The following CAMKMT variants were observed in gnomAD, a reference collection of about 807,000 sequenced individuals.
CAMKMT encodes CaM KMT.
CAMKMT carries 53 observed loss-of-function variants against 48.0 expected under a neutral mutation model. The ratio of observed to expected loss-of-function variants is 1.10; its 90% CI spans 0.89 to 1.39. CAMKMT has a LOEUF of 1.39. Ranked by LOEUF, CAMKMT falls within the 40% of genes most tolerant of loss-of-function variation. The pLI is 0.00. For synonymous variants in CAMKMT, 165 were observed against 152.3 expected (o/e 1.08, Z -0.61); for missense variants, 428 against 402.7 (o/e 1.06, Z -0.54).
At chr2:44,372,247 G>C (rs1282159381) in intron 1 of CAMKMT, among the ~76,000 whole-genome samples, 1 of 152,116 alleles carries the variant, frequency 6.6e-6, no homozygotes, top group Non-Finnish European at 1.5e-5. Context: ...CACTTTGGGA[G>C]GCCAGGGTTG....
intron 3 of CAMKMT, among the ~76,000 whole-genome samples, chr2:44,597,542 G>A (rs992134506): frequency 6.6e-6 from 1 of 152,084 alleles, no homozygotes; most frequent in Non-Finnish European, 1.5e-5. Context: ...TAGCTCAGAG[G>A]TTCTTAACCC....
At chr2:44,406,949 T>A (rs1311391847) in intron 3 of CAMKMT, among the ~76,000 whole-genome samples, 1 of 152,220 alleles carries the variant, frequency 6.6e-6, no homozygotes, top group African/African-American at 2.4e-5. Flanking sequence ...ATAATTTCTG[T>A]CTACTTAACT....
At chr2:44,677,745 G>A (rs752842474) in intron 3 of CAMKMT, among the ~76,000 whole-genome samples, 2 of 151,920 alleles carry the variant, frequency 1.3e-5, no homozygotes, top group Non-Finnish European at 2.9e-5. Flanking sequence ...AGAAGGTTGT[G>A]TTATTTTTTA....
At chr2:44,541,857 C>T (rs183310516) in intron 3 of CAMKMT, among the ~76,000 whole-genome samples, 9 of 152,014 alleles carry the variant, frequency 5.9e-5, no homozygotes, top group Middle Eastern at 3.4e-3. Context: ...CGGCCGGGCA[C>T]GATGGCTCAC....
chr2:44,476,679 A>G (rs1294866376), intron 3 of CAMKMT, among the ~76,000 whole-genome samples: 1 of 152,050 alleles, frequency 6.6e-6, no homozygotes, highest in Non-Finnish European at 1.5e-5. Context: ...TTAGAATCAT[A>G]TGTTCCATGT....
At chr2:44,765,401 G>C (rs977818009) in intron 9 of CAMKMT, among the ~76,000 whole-genome samples, 1 of 152,058 alleles carries the variant, frequency 6.6e-6, no homozygotes, top group Non-Finnish European at 1.5e-5. Context: ...TGGTGTGAAT[G>C]ATAAACCACT....
chr2:44,536,398 C>T (rs897720779), intron 3 of CAMKMT, among the ~76,000 whole-genome samples: 1 of 151,460 alleles, frequency 6.6e-6, no homozygotes, highest in South Asian at 2.1e-4. Flanking sequence ...GATCTTGGCT[C>T]ATTGCAACTT....
At chr2:44,630,714 T>A (rs1323619084) in intron 3 of CAMKMT, among the ~76,000 whole-genome samples, 1 of 150,568 alleles carries the variant, frequency 6.6e-6, no homozygotes, top group Non-Finnish European at 1.5e-5. Flanking sequence ...CTCACACCAG[T>A]TAGAATGGCA....
At chr2:44,532,075 G>A (rs1044273219) in intron 3 of CAMKMT, among the ~76,000 whole-genome samples, 1 of 152,132 alleles carries the variant, frequency 6.6e-6, no homozygotes, top group Non-Finnish European at 1.5e-5. Context: ...GTATATGTAG[G>A]TATGTACATG....
At chr2:44,530,865 CATA>C (rs999629525) in intron 3 of CAMKMT, among the ~76,000 whole-genome samples, 10 of 151,912 alleles carry the variant, frequency 6.6e-5, no homozygotes, top group African/African-American at 2.4e-4. Flanking sequence ...GTGAAAATTT[CATA>C]ATATTTTTAA....
chr2:44,717,445 T>A (rs1678231992), intron 7 of CAMKMT, among the ~76,000 whole-genome samples: 1 of 152,198 alleles, frequency 6.6e-6, no homozygotes, highest in Non-Finnish European at 1.5e-5. Flanking sequence ...GCCACTGATG[T>A]AATAATCAGT....
chr2:44,647,204 A>G (rs1410072314), intron 3 of CAMKMT, among the ~76,000 whole-genome samples: 1 of 152,184 alleles, frequency 6.6e-6, no homozygotes, highest in Non-Finnish European at 1.5e-5. Flanking sequence ...GTGGTCAACT[A>G]CAATAACTCC....
At chr2:44,723,150 C>T (rs1305646538) in intron 7 of CAMKMT, among the ~76,000 whole-genome samples, 5 of 152,294 alleles carry the variant, frequency 3.3e-5, no homozygotes, top group Non-Finnish European at 7.3e-5. Flanking sequence ...GATCCCCACA[C>T]CCTGAGAGAC....
At chr2:44,419,645 T>A (rs975693460) in intron 3 of CAMKMT, among the ~76,000 whole-genome samples, 15 of 152,210 alleles carry the variant, frequency 9.9e-5, no homozygotes, top group African/African-American at 3.6e-4. Flanking sequence ...AGTGGCACAG[T>A]CATCACCGTA....
chr2:44,689,291 T>TATTTATTC (rs1558797740), intron 3 of CAMKMT, among the ~76,000 whole-genome samples: 1 of 150,224 alleles, frequency 6.7e-6, no homozygotes, highest in African/African-American at 2.4e-5. Context: ...TTTATTTATT[T>TATTTATTC]ATTTATTTAT....
intron 3 of CAMKMT, among the ~76,000 whole-genome samples, chr2:44,669,208 T>C (rs540385441): frequency 1.1e-4 from 17 of 152,376 alleles, no homozygotes; most frequent in Non-Finnish European, 2.1e-4. Flanking sequence ...TATATTCTTC[T>C]GTGAATTGCT....
intron 3 of CAMKMT, among the ~76,000 whole-genome samples, chr2:44,516,302 G>C (rs1444544173): frequency 1.3e-5 from 2 of 152,306 alleles, no homozygotes; most frequent in Non-Finnish European, 2.9e-5. Context: ...CCAGGGGGAA[G>C]CCATGCAGTT....
At chr2:44,722,868 G>A (rs898883162) in intron 7 of CAMKMT, among the ~76,000 whole-genome samples, 2 of 152,124 alleles carry the variant, frequency 1.3e-5, no homozygotes, top group Admixed American at 6.6e-5. Flanking sequence ...AAAATAATTA[G>A]TACCTTTCAT....
intron 5 of CAMKMT, 115 bp from the exon 6 acceptor site, chr2:44,707,284 G>T (rs1328533191): frequency 1.5e-5 from 12 of 802,534 alleles, no homozygotes; most frequent in Non-Finnish European, 4.1e-6. Context: ...ATTGAAGATT[G>T]TTACAGAGAA....
Sources: gnomAD v4.1 joint callset for allele counts (sites outside exome capture counted in the v4.1 genomes callset) on GRCh38, gnomAD v4.1.1 for gene constraint, MANE v1.5 for transcripts, NCBI Gene and HGNC (gene_info 2026-07-23, HGNC 2026-07-21) for gene names.